NT5M: variants seen among roughly 807,000 people sequenced by gnomAD.
NT5M encodes 5',3'-nucleotidase, mitochondrial.
A neutral mutation model predicts 22.2 loss-of-function variants in NT5M; 22 were observed. The ratio of observed to expected loss-of-function variants is 0.99; its 90% CI spans 0.71 to 1.41. The LOEUF (loss-of-function observed/expected upper bound fraction) is 1.41, where lower values mean the gene tolerates loss of function less well. NT5M is among the 40% of genes most tolerant of loss of function. The pLI is 0.00. For synonymous variants in NT5M, 167 were observed against 133.0 expected, an observed-to-expected ratio of 1.26 and a Z score of -1.76; for missense variants, 322 against 314.8, an observed-to-expected ratio of 1.02 and a Z score of -0.17.
chr17:17,315,147 T>A (rs561996638), intron 2 of NT5M, among the ~76,000 whole-genome samples: 105 of 151,172 alleles, frequency 6.9e-4, no homozygotes, highest in Middle Eastern at 3.4e-3. Flanking sequence ...AATTTTTTTT[T>A]AACAATTTTG....
At chr17:17,305,679 A>T (rs1157574060) in intron 1 of NT5M, among the ~76,000 whole-genome samples, 1 of 152,038 alleles carries the variant, frequency 6.6e-6, no homozygotes, top group Non-Finnish European at 1.5e-5. Flanking sequence ...TGTACTGCAC[A>T]CGTGGGATTT....
intron 3 of NT5M, among the ~76,000 whole-genome samples, chr17:17,344,334 C>T (rs2049711552): frequency 6.6e-6 from 1 of 152,214 alleles, no homozygotes; most frequent in Non-Finnish European, 1.5e-5. Flanking sequence ...GCTGTCTCCT[C>T]AGCTGTAAGC....
chr17:17,324,841 G>A (rs1003374507), intron 3 of NT5M, among the ~76,000 whole-genome samples: 3 of 152,276 alleles, frequency 2.0e-5, no homozygotes, highest in African/African-American at 4.8e-5. Context: ...CACCATGGCC[G>A]GCCTTCGCTG....
At chr17:17,332,741 A>T (rs1048792876) in intron 3 of NT5M, among the ~76,000 whole-genome samples, 1 of 152,052 alleles carries the variant, frequency 6.6e-6, no homozygotes, top group African/African-American at 2.4e-5. Flanking sequence ...CAATGCCCCC[A>T]CCAGTGTGCA....
chr17:17,323,460 TCAGGTTAGC>T, intron 3 of NT5M, among the ~76,000 whole-genome samples: 1 of 152,314 alleles, frequency 6.6e-6, no homozygotes, highest in South Asian at 2.1e-4. Flanking sequence ...TGTCACTGTG[TCAGGTTAGC>T]CTGGCCCAGA....
chr17:17,344,158 G>A (rs2049707148), intron 3 of NT5M, among the ~76,000 whole-genome samples: 1 of 152,140 alleles, frequency 6.6e-6, no homozygotes, highest in African/African-American at 2.4e-5. Flanking sequence ...CATCGGCCCA[G>A]ACACACCCTG....
At chr17:17,323,396 G>T (rs1202163137) in intron 3 of NT5M, 151 bp downstream of exon 3, 5 of 711,698 alleles carry the variant, frequency 7.0e-6, no homozygotes, top group Non-Finnish European at 1.3e-5. Flanking sequence ...GACCTCTCCA[G>T]CCTGAGGCTC....
intron 3 of NT5M, among the ~76,000 whole-genome samples, chr17:17,343,106 A>G (rs2049681397): frequency 6.6e-6 from 1 of 152,128 alleles, no homozygotes; most frequent in Admixed American, 6.5e-5. Context: ...GATGCGAAGT[A>G]AGTTATAGAG....
In NT5M at chr17:17,332,733, A is replaced by G. The variant is rs144785477; in HGVS notation, c.429+9488A>G. 2.5e-3 allele frequency among the ~76,000 whole-genome samples: 382 copies of G among 152,236 alleles called. 4 individuals carry two copies. Among genetic ancestry groups the G allele is most frequent in the African/African-American group, 8.5e-3 (354 of 41,534 alleles). ...CAGGCAAATCTGAGCTAAAGGCACA[A>G]TGCCCCCACCAGTGTGCACATTATT... On this transcript the variant is annotated intron_variant, in intron 3 of 4. Coordinates refer to ENST00000389022, the MANE Select transcript of NT5M (RefSeq NM_020201.4).
chr17:17,307,289 G>A (rs868827191), intron 2 of NT5M, among the ~76,000 whole-genome samples: 3 of 152,126 alleles, frequency 2.0e-5, no homozygotes, highest in South Asian at 2.1e-4. Context: ...TATAGTCCTT[G>A]CCCTCATGGA....
At chr17:17,308,027 G>A (rs1053682701) in intron 2 of NT5M, among the ~76,000 whole-genome samples, 14 of 150,904 alleles carry the variant, frequency 9.3e-5, no homozygotes, top group African/African-American at 3.2e-4. Context: ...TCTAGCCTGG[G>A]CAACAAGATT....
Position 17,303,617 on chromosome 17 carries a change from G to C in NT5M, c.67G>C (p.Gly23Arg). 7.8e-7 allele frequency: 1 copy of C among 1,287,998 alleles called. No homozygotes were observed. Among genetic ancestry groups the C allele is most frequent in the Middle Eastern group, 2.5e-4 (1 of 4,018 alleles). 79.8% of individuals were successfully genotyped at this position (1,287,998 alleles called of 1,614,324 possible). The change falls in exon 1 of 5, where the codon GGG (glycine) becomes CGG (arginine). Residue 23 changes from glycine to arginine, a missense_variant. By Grantham distance (125) the Gly-to-Arg change is moderately radical. Transcript: ENST00000389022. ...CGCGGCGGTTCCCGCGGGGCGGCGC[G>C]GGGCGGCGGGCGGGCTGGGCCTGGC... The part of the protein sequence containing the change: ...CSAAVPAGRR[G>R]AAGGLGLAGG...
At chr17:17,310,137 T>G (rs2048893984) in intron 2 of NT5M, among the ~76,000 whole-genome samples, 2 of 152,074 alleles carry the variant, frequency 1.3e-5, no homozygotes, top group South Asian at 4.1e-4. Flanking sequence ...CTTTTGTGTT[T>G]CTAAGGACAA....
In NT5M at chr17:17,330,685, CA is replaced by C. The variant is rs1281327183; in HGVS notation, c.429+7441del. ...GCCACCGCGCCTGGCCAACATAGACCATTTTTTTTTTAACTTAAGATAATGA... is the reference window on the plus strand; with the variant it reads ...GCCACCGCGCCTGGCCAACATAGACCTTTTTTTTTTAACTTAAGATAATGA... On this transcript the variant is annotated intron_variant, in intron 3 of 4. Transcript: ENST00000389022. 1.9e-4 allele frequency among the ~76,000 whole-genome samples: 28 copies of C among 150,692 alleles called. 1 individual carries two copies. Among genetic ancestry groups the C allele is most frequent in the East Asian group, 7.9e-4 (4 of 5,074 alleles).
At chr17:17,324,995 G>C (rs1223236380) in intron 3 of NT5M, among the ~76,000 whole-genome samples, 3 of 152,202 alleles carry the variant, frequency 2.0e-5, no homozygotes, top group Non-Finnish European at 4.4e-5. Context: ...TGAGTCCTGA[G>C]ACCAGAGTCA....
At position 17,347,164 on chromosome 17, in the gene NT5M, C is replaced by A; in HGVS notation, c.*217C>A. 1.6e-6 allele frequency: 1 copy of A among 610,088 alleles called. No individual in the cohort carries two copies. The highest frequency in any genetic ancestry group is 2.8e-6 in the Non-Finnish European group (1 of 359,622). The allele number at this position is 610,088 out of a possible 1,614,324, so 37.8% of individuals were successfully genotyped here. A position where few individuals can be genotyped will look rare whatever the true frequency, so the allele number is the denominator to read the frequency against. ...GGGCGCTTGGACATAGACACGTGGT[C>A]CCAGGCCGTTCAGCCTGACCTCAGG... On this transcript the variant is annotated 3_prime_UTR_variant, in exon 5 of 5. Coordinates refer to ENST00000389022, the MANE Select transcript of NT5M (RefSeq NM_020201.4).
At chr17:17,317,591 T>TA (rs2049057640) in intron 2 of NT5M, among the ~76,000 whole-genome samples, 1 of 152,036 alleles carries the variant, frequency 6.6e-6, no homozygotes, top group Non-Finnish European at 1.5e-5. Context: ...AGACAGTCTC[T>TA]AAAAAAACCA....
At chr17:17,334,532 G>A (rs1256782984) in intron 3 of NT5M, among the ~76,000 whole-genome samples, 1 of 146,094 alleles carries the variant, frequency 6.8e-6, no homozygotes, top group Non-Finnish European at 1.5e-5. Context: ...AGGCTGGAGT[G>A]CAGTGGTGTG....
intron 3 of NT5M, among the ~76,000 whole-genome samples, chr17:17,336,410 G>A (rs1237040237): frequency 6.6e-6 from 1 of 151,984 alleles, no homozygotes; most frequent in African/African-American, 2.4e-5. Flanking sequence ...ATCTCCATGA[G>A]TTCAATTGTT....
Sources: allele counts gnomAD v4.1 joint callset (sites outside exome capture counted in the v4.1 genomes callset), GRCh38; gene constraint gnomAD v4.1.1; transcripts MANE v1.5; gene names NCBI Gene and HGNC (gene_info 2026-07-23, HGNC 2026-07-21).